TNC: variants seen among roughly 807,000 people sequenced by gnomAD.
TNC encodes tenascin.
Under a neutral mutation model 202.4 loss-of-function variants are expected in TNC, and 109 were observed. That is an observed-to-expected ratio of 0.54 (90% CI 0.46 to 0.63). The LOEUF (loss-of-function observed/expected upper bound fraction) is 0.63, where lower values mean the gene tolerates loss of function less well. Among genes scored for constraint, TNC ranks in the 30% least tolerant of loss-of-function variants. The pLI, the probability that TNC is intolerant of heterozygous loss-of-function variation, is 0.00. For missense variants in TNC, 2,756 were observed against 2,833.3 expected (o/e 0.97, Z 0.62); for synonymous variants, 1,007 against 1,089.7 (o/e 0.92, Z 1.50).
At chr9:115,105,572 G>A (rs1182334014) in intron 1 of TNC, among the ~76,000 whole-genome samples, 1 of 152,056 alleles carries the variant, frequency 6.6e-6, no homozygotes, top group African/African-American at 2.4e-5. Flanking sequence ...CTAAGGTCGG[G>A]GTCCAGAGAA....
At chr9:115,051,071 T>C (rs1296106727) in intron 15 of TNC, among the ~76,000 whole-genome samples, 1 of 152,176 alleles carries the variant, frequency 6.6e-6, no homozygotes, top group South Asian at 2.1e-4. Context: ...CTGAAAATTA[T>C]CACTAATGAA....
intron 1 of TNC, chr9:115,115,038 AG>A (rs1164082144): frequency 1.3e-5 from 2 of 152,366 alleles, no homozygotes; most frequent in African/African-American, 4.8e-5. Flanking sequence ...TTCAGCATGA[AG>A]GGGGCTGCGC....
intron 1 of TNC, chr9:115,115,173 G>A (rs1390147368): frequency 6.6e-6 from 1 of 152,182 alleles, no homozygotes; most frequent in East Asian, 1.9e-4. Context: ...AGGATTAAGG[G>A]GGATATGTTT....
chr9:115,071,305 A>G (rs1263621003), intron 10 of TNC, among the ~76,000 whole-genome samples: 2 of 152,256 alleles, frequency 1.3e-5, no homozygotes, highest in African/African-American at 4.8e-5. Context: ...AGAACCAATA[A>G]AAAGAACTTT....
rs149512169 is a variant in TNC at position 115,090,782 on chromosome 9, C to T, written c.237G>A (p.Pro79=). The T allele has an allele frequency of 2.0e-5, 32 of 1,614,098 alleles. No homozygotes were observed. The highest frequency in any genetic ancestry group is 1.6e-4 in the Middle Eastern group (1 of 6,084). The change falls in exon 2 of 28, where the codon CCG becomes CCA. Residue 79 remains proline (P), a synonymous_variant. Coordinates refer to ENST00000350763, the MANE Select transcript of TNC (RefSeq NM_002160.4). ...ESASGEKDLA[P]PSEPSESFQE... ...GAAAGCTTTCGCTGGGCTCTGAAGG[C>T]GGTGCCAGGTCTTTCTCCCCACTGG...
intron 2 of TNC, 40 bp downstream of exon 2, chr9:115,090,520 ATG>A (rs765913703): frequency 2.0e-6 from 3 of 1,465,294 alleles, no homozygotes; most frequent in African/African-American, 1.4e-5. Flanking sequence ...TCATTTCTCC[ATG>A]TTTGCACAGT....
At chr9:115,084,158 T>C in intron 4 of TNC, 51 bp downstream of exon 4, 3 of 1,588,862 alleles carry the variant, frequency 1.9e-6, no homozygotes, top group Non-Finnish European at 2.6e-6. Flanking sequence ...GGTTATACAC[T>C]GGGTGGGCTG....
intron 10 of TNC, among the ~76,000 whole-genome samples, chr9:115,071,058 CTGTT>C (rs1564469601): frequency 6.6e-6 from 1 of 152,208 alleles, no homozygotes; most frequent in Admixed American, 6.5e-5. Context: ...ATCTCAGTGT[CTGTT>C]TGTTCGCTAC....
Position 115,052,291 on chromosome 9 carries a change from C to T in TNC, c.4580-3759G>A, listed in dbSNP as rs190305948. Among the ~76,000 whole-genome samples the T allele has an allele frequency of 7.8e-4, 119 of 151,722 alleles. No homozygotes were observed. In the Middle Eastern group the frequency reaches 0.031, roughly 39 times the overall value. ...AAGCACAGAGAAGACTGGTGGTTACCGGTGACTGGGGTTGGGGAGATGAAG... is the reference window on the plus strand; with the variant it reads ...AAGCACAGAGAAGACTGGTGGTTACTGGTGACTGGGGTTGGGGAGATGAAG... On this transcript the variant is annotated intron_variant, in intron 15 of 27. Coordinates refer to ENST00000350763, the MANE Select transcript of TNC (RefSeq NM_002160.4).
intron 7 of TNC, among the ~76,000 whole-genome samples, chr9:115,077,181 T>TCCCTA (rs1293118364): frequency 6.6e-6 from 1 of 152,188 alleles, no homozygotes; most frequent in Non-Finnish European, 1.5e-5. Context: ...TGCCTCAGCC[T>TCCCTA]GTAGCTGGGA....
Position 115,028,979 on chromosome 9 carries a change from A to G in TNC, c.6169+381T>C, listed in dbSNP as rs537616901. 4.2e-4 allele frequency among the ~76,000 whole-genome samples: 46 copies of G among 109,886 alleles called. No individual in the cohort carries two copies. In the East Asian group the frequency reaches 0.013, roughly 31 times the overall value. 72.1% of individuals were successfully genotyped at this position (109,886 alleles called of 152,430 possible). A position where few individuals can be genotyped will look rare whatever the true frequency, so the allele number is the denominator to read the frequency against. On this transcript the variant is annotated intron_variant, in intron 25 of 27. Transcript: ENST00000350763. Reference sequence around the variant, plus strand: ...AAAAAAAAAGAAAGTCATGGACCACAGGTTGTTCCTGTGGCTTTCCCCCTT... The same window carrying G: ...AAAAAAAAAGAAAGTCATGGACCACGGGTTGTTCCTGTGGCTTTCCCCCTT...
At chr9:115,075,924 T>A (rs1833810851) in intron 9 of TNC, 108 bp downstream of exon 9, 7 of 961,390 alleles carry the variant, frequency 7.3e-6, no homozygotes, top group Non-Finnish European at 8.3e-6. Context: ...AGGGCCCTTT[T>A]TCCTCCAGGC....
chr9:115,027,588 T>TAAAC (rs550192296), intron 25 of TNC, among the ~76,000 whole-genome samples: 11 of 152,206 alleles, frequency 7.2e-5, no homozygotes, highest in South Asian at 6.2e-4. Flanking sequence ...AAACTCTGTC[T>TAAAC]AAACAAACAA....
Position 115,063,952 on chromosome 9 carries a change from C to T in TNC, c.3604G>A (p.Ala1202Thr). Reference sequence around the variant, plus strand: ...TTCTGGGCTGCCTCTACTGTGTCAGCCTCCTGCACCTGAATGAAAAAGTAC... The same window carrying T: ...TTCTGGGCTGCCTCTACTGTGTCAGTCTCCTGCACCTGAATGAAAAAGTAC... ...YEYFFIQVQE[A>T]DTVEAAQNLT... Residue 1202 changes from alanine to threonine, a missense_variant, in exon 12 of 28, where the codon GCT becomes ACT. Ala to Thr is a moderately conservative substitution (Grantham distance 58). Transcript: ENST00000350763. 6.2e-7 allele frequency: 1 copy of T among 1,614,172 alleles called. No homozygotes were observed. The highest frequency in any genetic ancestry group is 8.5e-7 in the Non-Finnish European group (1 of 1,180,028).
Position 115,086,859 on chromosome 9 carries a change from C to T in TNC, c.872G>A (p.Arg291His), listed in dbSNP as rs141281085. Residue 291 changes from arginine (R) to histidine (H), a missense_variant, in exon 3 of 28, where the codon CGT becomes CAT. Arg to His is a conservative substitution (Grantham distance 29, BLOSUM62 0). Coordinates refer to ENST00000350763, the MANE Select transcript of TNC (RefSeq NM_002160.4). Reference sequence around the variant, plus strand: ...GCACTCATTCTCCACGCATCGTCCACGGTTGTAGCAATTGTTGAGACACAG... The same window carrying T: ...GCACTCATTCTCCACGCATCGTCCATGGTTGTAGCAATTGTTGAGACACAG... ...KPLCLNNCYN[R>H]GRCVENECVC... 3.5e-5 allele frequency: 57 copies of T among 1,614,096 alleles called. No individual in the cohort carries two copies. Among genetic ancestry groups the T allele is most frequent in the Non-Finnish European group, 4.2e-5 (50 of 1,180,056 alleles).
intron 3 of TNC, among the ~76,000 whole-genome samples, chr9:115,085,110 C>T (rs922927698): frequency 6.6e-6 from 1 of 152,148 alleles, no homozygotes; most frequent in African/African-American, 2.4e-5. Flanking sequence ...AAAGAAGACA[C>T]TCATTAAATA....
chr9:115,094,639 T>C (rs1469818462), intron 1 of TNC, among the ~76,000 whole-genome samples: 3 of 152,208 alleles, frequency 2.0e-5, no homozygotes, highest in South Asian at 2.1e-4. Flanking sequence ...TTATAGAAAA[T>C]TGATCAGCAA....
intron 1 of TNC, among the ~76,000 whole-genome samples, chr9:115,103,078 G>A (rs1288699666): frequency 6.6e-6 from 1 of 152,186 alleles, no homozygotes; most frequent in East Asian, 1.9e-4. Context: ...GTTATTCAGT[G>A]AGTATTTACT....
At chr9:115,058,264 A>T (rs1832283328) in intron 14 of TNC, among the ~76,000 whole-genome samples, 1 of 152,218 alleles carries the variant, frequency 6.6e-6, no homozygotes, top group Admixed American at 6.5e-5. Context: ...TTGAAAAGCT[A>T]GTACTGTCTC....
Sources: gnomAD v4.1 joint callset for allele counts (sites outside exome capture counted in the v4.1 genomes callset) on GRCh38, gnomAD v4.1.1 for gene constraint, MANE v1.5 for transcripts, NCBI Gene and HGNC (gene_info 2026-07-23, HGNC 2026-07-21) for gene names.